The following PLXNA4 variants were observed in gnomAD, a reference collection of about 807,000 sequenced individuals.
The protein encoded by PLXNA4 is plexin-A4.
A neutral mutation model predicts 191.8 loss-of-function variants in PLXNA4; 44 were observed. The observed-to-expected ratio is 0.23, with a 90% confidence interval of 0.18 to 0.29. PLXNA4 has a LOEUF of 0.29. Among genes scored for constraint, PLXNA4 ranks in the 10% least tolerant of loss-of-function variants. The pLI is 1.00. For missense variants in PLXNA4, 1,800 were observed against 2,488.8 expected, an observed-to-expected ratio of 0.72 and a Z score of 5.89; for synonymous variants, 1,082 against 1,009.5, an observed-to-expected ratio of 1.07 and a Z score of -1.36.
chr7:132,279,767 C>G (rs1211734935), intron 4 of PLXNA4, among the ~76,000 whole-genome samples: 1 of 152,190 alleles, frequency 6.6e-6, no homozygotes, highest in East Asian at 1.9e-4. Flanking sequence ...AGTAAACTGT[C>G]AACAAATAAC....
intron 4 of PLXNA4, among the ~76,000 whole-genome samples, chr7:132,281,076 T>C (rs938476290): frequency 3.3e-5 from 5 of 152,206 alleles, no homozygotes; most frequent in Non-Finnish European, 5.9e-5. Flanking sequence ...CAAAACATTT[T>C]ACTATCACCA....
rs1584947418 is a variant in PLXNA4, at chr7:132,287,594, C to T, written c.1503+10497G>A. ...CCCCGGAGCCTCCATCCTGCACATG[C>T]TTATACTTTCTGGTCACCCCCATGG... On this transcript the variant is annotated intron_variant, in intron 4 of 31. Transcript: ENST00000321063. 3.3e-5 allele frequency among the ~76,000 whole-genome samples: 5 copies of T among 152,300 alleles called. 1 individual carries two copies. Among genetic ancestry groups the T allele is most frequent in the Admixed American group, 3.3e-4 (5 of 15,300 alleles).
chr7:132,227,540 A>C lies in PLXNA4; in HGVS notation c.1793T>G (p.Leu598Arg). 6.2e-7 allele frequency: 1 copy of C among 1,614,200 alleles called. No homozygotes were observed. The highest frequency in any genetic ancestry group is 1.6e-4 in the Middle Eastern group (1 of 6,062). ...SAGVNCTFED[L>R]SEMDGLVVGN... ...CACGACCAGCCCATCCATCTCTGAC[A>C]GGTCCTCAAAGGTGCAGTTGACGCC... The change falls in exon 7 of 32, where the codon CTG (leucine) becomes CGG (arginine). Residue 598 changes from leucine (L) to arginine (R), a missense_variant. This residue lies in a region of PLXNA4 where 1,397 missense variants were observed against 1,880.4 expected (regional missense o/e 0.74). Coordinates refer to ENST00000321063, the MANE Select transcript of PLXNA4 (RefSeq NM_020911.2).
intron 3 of PLXNA4, among the ~76,000 whole-genome samples, chr7:132,442,071 GCTCA>G (rs1027830630): frequency 1.8e-4 from 28 of 152,222 alleles, no homozygotes; most frequent in African/African-American, 6.8e-4. Context: ...AGAACCACGT[GCTCA>G]CCCTATCTGG....
intron 2 of PLXNA4, among the ~76,000 whole-genome samples, chr7:132,506,305 G>T (rs1003731586): frequency 6.6e-6 from 1 of 152,126 alleles, no homozygotes; most frequent in South Asian, 2.1e-4. Context: ...TATACTTTAT[G>T]AAAGGAAATT....
At chr7:132,428,819 G>A (rs570426278) in intron 3 of PLXNA4, among the ~76,000 whole-genome samples, 2 of 152,264 alleles carry the variant, frequency 1.3e-5, no homozygotes, top group African/African-American at 2.4e-5. Context: ...AAAAGATAAC[G>A]AGGAAGAATT....
At chr7:132,557,571 T>A (rs552614124) in intron 1 of PLXNA4, among the ~76,000 whole-genome samples, 24 of 151,880 alleles carry the variant, frequency 1.6e-4, no homozygotes, top group African/African-American at 5.8e-4. Flanking sequence ...AGTTTTCACC[T>A]TTGCAAAACC....
chr7:132,566,174 C>T (rs975873485), intron 1 of PLXNA4, among the ~76,000 whole-genome samples: 2 of 152,156 alleles, frequency 1.3e-5, no homozygotes, highest in African/African-American at 4.8e-5. Flanking sequence ...CTGCACCAAG[C>T]ATGGGGGGGC....
chr7:132,351,678 C>T (rs952904862), intron 3 of PLXNA4, among the ~76,000 whole-genome samples: 1 of 152,190 alleles, frequency 6.6e-6, no homozygotes, highest in African/African-American at 2.4e-5. Context: ...TCCATGTGCA[C>T]CATGAGTCAA....
chr7:132,421,256 T>C (rs747836226), intron 3 of PLXNA4, among the ~76,000 whole-genome samples: 3 of 152,238 alleles, frequency 2.0e-5, no homozygotes, highest in Non-Finnish European at 4.4e-5. Context: ...ATCTACATTG[T>C]AGCATGTGTC....
intron 3 of PLXNA4, among the ~76,000 whole-genome samples, chr7:132,480,743 C>T (rs1237690354): frequency 6.6e-6 from 1 of 152,176 alleles, no homozygotes. Context: ...TCCTCCCCTC[C>T]CTGTGGCCAC....
At chr7:132,531,825 G>A (rs1028821209) in intron 1 of PLXNA4, among the ~76,000 whole-genome samples, 8 of 152,184 alleles carry the variant, frequency 5.3e-5, no homozygotes, top group African/African-American at 1.9e-4. Context: ...AGGCTGATTT[G>A]GTGGGTCTTG....
chr7:132,370,258 C>A (rs1804380340), intron 3 of PLXNA4, among the ~76,000 whole-genome samples: 1 of 152,108 alleles, frequency 6.6e-6, no homozygotes, highest in African/African-American at 2.4e-5. Context: ...TGAGTGGATG[C>A]AGAGAGGCTG....
chr7:132,507,625 T>A lies in PLXNA4; in HGVS notation c.1069A>T (p.Ile357Phe). The A allele has an allele frequency of 6.2e-7, 1 of 1,614,228 alleles. No individual in the cohort carries two copies. The highest frequency in any genetic ancestry group is 8.5e-7 in the Non-Finnish European group (1 of 1,180,050). Reference sequence around the variant, plus strand: ...TCATTTATCTGCTTCAAGATGAAGATGCACAGGGCCGACTCATCCAGGGAT... The same window carrying A: ...TCATTTATCTGCTTCAAGATGAAGAAGCACAGGGCCGACTCATCCAGGGAT... ...MKSLDESALC[I>F]FILKQINDRI... The change falls in exon 2 of 32, where the codon ATC (isoleucine) becomes TTC (phenylalanine). Residue 357 changes from isoleucine to phenylalanine, a missense_variant. Physicochemically the swap from Ile to Phe is conservative, Grantham distance 21. Transcript: ENST00000321063.
At chr7:132,243,464 G>T (rs543552281) in intron 4 of PLXNA4, among the ~76,000 whole-genome samples, 66 of 152,304 alleles carry the variant, frequency 4.3e-4, no homozygotes, top group Non-Finnish European at 7.2e-4. Context: ...CAGCTGCTTG[G>T]TGAATCTGAA....
At chr7:132,371,188 G>A (rs1055013251) in intron 3 of PLXNA4, among the ~76,000 whole-genome samples, 2 of 152,168 alleles carry the variant, frequency 1.3e-5, no homozygotes, top group African/African-American at 4.8e-5. Flanking sequence ...TGCAAAGGTG[G>A]AAATCATGAA....
intron 3 of PLXNA4, among the ~76,000 whole-genome samples, chr7:132,349,347 A>G (rs1803387138): frequency 6.6e-6 from 1 of 152,126 alleles, no homozygotes; most frequent in South Asian, 2.1e-4. Context: ...AACTGGGTCC[A>G]GCCAAAACAG....
intron 3 of PLXNA4, among the ~76,000 whole-genome samples, chr7:132,339,785 A>T (rs1245032065): frequency 6.6e-6 from 1 of 152,162 alleles, no homozygotes; most frequent in African/African-American, 2.4e-5. Context: ...GTGCCGAGTG[A>T]CCTAGCATGC....
chr7:132,489,557 G>T, intron 2 of PLXNA4, 83 bp from the exon 3 acceptor site: 1 of 1,197,704 alleles, frequency 8.3e-7, no homozygotes, highest in Non-Finnish European at 1.1e-6. Flanking sequence ...TATGGAGGTA[G>T]AAGAATCCTT....
Sources: gnomAD v4.1 joint callset for allele counts (sites outside exome capture counted in the v4.1 genomes callset) on GRCh38, gnomAD v4.1.1 for gene constraint, gnomAD v4.1.1 regional missense constraint, MANE v1.5 for transcripts, NCBI Gene and HGNC (gene_info 2026-07-23, HGNC 2026-07-21) for gene names.